GNAO1: variants seen among roughly 807,000 people sequenced by gnomAD.
GNAO1 encodes the protein guanine nucleotide-binding protein G(o) subunit alpha.
For missense variants in GNAO1, 166 were observed against 478.7 expected (o/e 0.35, Z 6.10); for synonymous variants, 164 against 180.7 (o/e 0.91, Z 0.74).
intron 2 of GNAO1, among the ~76,000 whole-genome samples, chr16:56,247,797 A>T (rs2036763187): frequency 6.6e-6 from 1 of 152,236 alleles, no homozygotes; most frequent in African/African-American, 2.4e-5. Flanking sequence ...CCTGCCTAAG[A>T]TAGAGGATTG....
At chr16:56,334,630 G>T in intron 4 of GNAO1, 99 bp from the exon 5 acceptor site, 5 of 1,271,302 alleles carry the variant, frequency 3.9e-6, no homozygotes, top group Non-Finnish European at 4.5e-6. Flanking sequence ...ACCTGGAGGG[G>T]CCCTGACCGA....
chr16:56,335,775 C>T (rs374956766), intron 5 of GNAO1, among the ~76,000 whole-genome samples: 3 of 152,200 alleles, frequency 2.0e-5, no homozygotes, highest in African/African-American at 2.4e-5. Context: ...CCCAGCAAGG[C>T]GGGGTCTGAG....
At chr16:56,287,649 G>T (rs952726939) in intron 3 of GNAO1, among the ~76,000 whole-genome samples, 1 of 152,162 alleles carries the variant, frequency 6.6e-6, no homozygotes, top group African/African-American at 2.4e-5. Flanking sequence ...CAGAGCAAAG[G>T]GTTGGTGTCA....
rs183824697 is a variant in GNAO1, at chr16:56,275,910, G to C, written c.162-21G>C. ...GAGGACAATGCTCTCATCAGGTGTG[G>C]TGTGTGTGGTTTTTCTCTAGGATCA... On this transcript the variant is annotated intron_variant, in intron 2 of 8. Transcript: ENST00000262493. The C allele has an allele frequency of 4.4e-6, 7 of 1,606,918 alleles. No homozygotes were observed. The Admixed American group carries it at 1.2e-4, about 27-fold the overall frequency.
At chr16:56,199,030 G>A (rs1363268573) in intron 2 of GNAO1, among the ~76,000 whole-genome samples, 2 of 152,208 alleles carry the variant, frequency 1.3e-5, no homozygotes, top group East Asian at 3.9e-4. Context: ...GCCCCTCCGA[G>A]GGCTCGGTTT....
chr16:56,273,069 A>G (rs1247524205), intron 2 of GNAO1, among the ~76,000 whole-genome samples: 1 of 152,206 alleles, frequency 6.6e-6, no homozygotes, highest in Admixed American at 6.5e-5. Flanking sequence ...GACTTATTAC[A>G]CTTTACTTTC....
At chr16:56,209,896 A>G (rs768857565) in intron 2 of GNAO1, among the ~76,000 whole-genome samples, 2 of 152,038 alleles carry the variant, frequency 1.3e-5, no homozygotes, top group Non-Finnish European at 2.9e-5. Flanking sequence ...CTGGCGCATT[A>G]TAATCACCCA....
At chr16:56,273,912 G>T (rs1313890554) in intron 2 of GNAO1, among the ~76,000 whole-genome samples, 3 of 152,176 alleles carry the variant, frequency 2.0e-5, no homozygotes, top group African/African-American at 7.2e-5. Flanking sequence ...CCTGATGCTT[G>T]TTCTTTCTTT....
At chr16:56,207,728 G>T (rs1021179121) in intron 2 of GNAO1, among the ~76,000 whole-genome samples, 11 of 152,192 alleles carry the variant, frequency 7.2e-5, no homozygotes, top group Non-Finnish European at 1.6e-4. Context: ...AAGCAGAATG[G>T]TGAGGGAGCA....
chr16:56,245,783 G>A (rs1401770158), intron 2 of GNAO1, among the ~76,000 whole-genome samples: 1 of 152,148 alleles, frequency 6.6e-6, no homozygotes, highest in African/African-American at 2.4e-5. Context: ...TCAAAACATG[G>A]CCCATGGAGA....
rs571810296 is a variant in GNAO1, at chr16:56,335,417, C to T, written c.593+560C>T. On this transcript the variant is annotated intron_variant, in intron 5 of 8. Transcript: ENST00000262493. ...CAGGGGCCTGACGGGTGAGCTGGTTCCCAGGGTCCTGCTGCAGCGCTGTGT... is the reference window on the plus strand; with the variant it reads ...CAGGGGCCTGACGGGTGAGCTGGTTTCCAGGGTCCTGCTGCAGCGCTGTGT... Among the ~76,000 whole-genome samples, 102 of 152,280 alleles carry T rather than the reference C, an allele frequency of 6.7e-4. 1 individual carries two copies. Among genetic ancestry groups the T allele is most frequent in the African/African-American group, 2.3e-3 (94 of 41,556 alleles).
intron 6 of GNAO1, among the ~76,000 whole-genome samples, chr16:56,343,599 A>G (rs1472684495): frequency 6.6e-6 from 1 of 151,758 alleles, no homozygotes; most frequent in African/African-American, 2.4e-5. Flanking sequence ...AGGACCCCCT[A>G]TTAACTTTGC....
At position 56,356,284 on chromosome 16, in the gene GNAO1, A is replaced by G. The variant is rs750943519; in HGVS notation, c.*210A>G. The G allele has an allele frequency of 1.3e-5, 2 of 152,704 alleles. No individual in the cohort carries two copies. Among genetic ancestry groups the G allele is most frequent in the Non-Finnish European group, 1.5e-5 (1 of 68,046 alleles). 9.5% of individuals were successfully genotyped at this position (152,704 alleles called of 1,614,324 possible). A position where few individuals can be genotyped will look rare whatever the true frequency, so the allele number is the denominator to read the frequency against. On this transcript the variant is annotated 3_prime_UTR_variant, in exon 9 of 9. Transcript: ENST00000262493. ...CGGTTTTAGTTGAGTCTTCACATTT[A>G]GAATTTGAAAGGAAAAACAGAACAT...
chr16:56,288,507 A>T (rs1216003385), intron 3 of GNAO1, among the ~76,000 whole-genome samples: 2 of 152,240 alleles, frequency 1.3e-5, no homozygotes, highest in African/African-American at 4.8e-5. Context: ...CCCAAGCTAT[A>T]TAAGGAGAGG....
chr16:56,347,419 G>A, intron 6 of GNAO1: 4 of 985,634 alleles, frequency 4.1e-6, no homozygotes, highest in Non-Finnish European at 4.8e-6. Context: ...GCTGCCGTGG[G>A]GTCTGTGGTA....
At chr16:56,274,559 A>G (rs1201309225) in intron 2 of GNAO1, among the ~76,000 whole-genome samples, 3 of 152,246 alleles carry the variant, frequency 2.0e-5, no homozygotes, top group African/African-American at 4.8e-5. Context: ...TGGTACATCC[A>G]TACAGTGGAA....
intron 2 of GNAO1, among the ~76,000 whole-genome samples, chr16:56,260,974 G>C (rs1246178170): frequency 6.6e-6 from 1 of 152,212 alleles, no homozygotes; most frequent in Non-Finnish European, 1.5e-5. Context: ...CAACAAAGGG[G>C]TGGCGCAGAG....
chr16:56,280,107 C>T (rs924319548), intron 3 of GNAO1, among the ~76,000 whole-genome samples: 4 of 152,204 alleles, frequency 2.6e-5, no homozygotes, highest in African/African-American at 9.7e-5. Context: ...TACTAAGCCA[C>T]GTGTGAAGAT....
At chr16:56,282,305 G>A (rs2143537393) in intron 3 of GNAO1, among the ~76,000 whole-genome samples, 1 of 152,330 alleles carries the variant, frequency 6.6e-6, no homozygotes, top group East Asian at 1.9e-4. Flanking sequence ...GATAATGCCT[G>A]TAGCGTGCAT....
Sources: gnomAD v4.1 joint callset for allele counts (sites outside exome capture counted in the v4.1 genomes callset) on GRCh38, gnomAD v4.1.1 for gene constraint, MANE v1.5 for transcripts, NCBI Gene and HGNC (gene_info 2026-07-23, HGNC 2026-07-21) for gene names.